Variants in NUP210 observed in about 807,000 individuals in gnomAD.
The protein encoded by NUP210 is nuclear pore membrane glycoprotein 210.
Under a neutral mutation model 196.0 loss-of-function variants are expected in NUP210, and 151 were observed. That is an observed-to-expected ratio of 0.77 (90% CI 0.67 to 0.88). The LOEUF (loss-of-function observed/expected upper bound fraction) is 0.88, where lower values mean the gene tolerates loss of function less well. NUP210 is among the 40% of genes least tolerant of loss of function. NUP210 has a pLI of 0.00. For synonymous variants in NUP210, 1,070 were observed against 1,052.7 expected, an observed-to-expected ratio of 1.02 and a Z score of -0.32; for missense variants, 2,314 against 2,493.7, an observed-to-expected ratio of 0.93 and a Z score of 1.53.
At chr3:13,368,213 C>T (rs1246722879) in intron 13 of NUP210, among the ~76,000 whole-genome samples, 1 of 152,056 alleles carries the variant, frequency 6.6e-6, no homozygotes, top group Non-Finnish European at 1.5e-5. Flanking sequence ...TTAGTTGGGA[C>T]TACAGGAGTG....
intron 25 of NUP210, among the ~76,000 whole-genome samples, chr3:13,339,207 G>C (rs1315538639): frequency 6.6e-6 from 1 of 152,172 alleles, no homozygotes; most frequent in Non-Finnish European, 1.5e-5. Flanking sequence ...ACCCCCTCTA[G>C]GGCGGTGCAC....
At chr3:13,354,161 A>T in intron 16 of NUP210, 54 bp from the exon 17 acceptor site, 1 of 1,459,430 alleles carries the variant, frequency 6.9e-7, no homozygotes, top group Non-Finnish European at 9.3e-7. Context: ...GGACCTGGAC[A>T]CTGACCACGC....
chr3:13,368,370 C>G (rs1698612328), intron 13 of NUP210, among the ~76,000 whole-genome samples: 1 of 152,192 alleles, frequency 6.6e-6, no homozygotes, highest in Non-Finnish European at 1.5e-5. Flanking sequence ...GGCCACCGTG[C>G]CCAGCCTAAA....
At position 13,330,034 on chromosome 3, in the gene NUP210, C is replaced by T. The variant is rs1295556563; in HGVS notation, c.4110+426G>A. ...CACGACTTGTATGGCAGGTACTGAG[C>T]ACAACATTCAATGCTCTTAAGAACA... On this transcript the variant is annotated intron_variant, in intron 30 of 39. Transcript: ENST00000254508. Among the ~76,000 whole-genome samples the T allele has an allele frequency of 2.6e-5, 4 of 152,230 alleles. No individual in the cohort carries two copies. The East Asian group carries it at 7.7e-4, about 29-fold the overall frequency.
Position 13,317,365 on chromosome 3 carries a change from C to T in NUP210, c.*316G>A. ...AGTCTTGAGAAGGGAAAGATTTTAGCAAGGCTAGGAAAATAAAAATGCAAC... is the reference window on the plus strand; with the variant it reads ...AGTCTTGAGAAGGGAAAGATTTTAGTAAGGCTAGGAAAATAAAAATGCAAC... On this transcript the variant is annotated 3_prime_UTR_variant, in exon 40 of 40. Coordinates refer to ENST00000254508, the MANE Select transcript of NUP210 (RefSeq NM_024923.4). 2.7e-6 allele frequency: 1 copy of T among 364,406 alleles called. No homozygotes were observed. Among genetic ancestry groups the T allele is most frequent in the Non-Finnish European group, 5.1e-6 (1 of 196,086 alleles). The allele number at this position is 364,406 out of a possible 1,614,324, so 22.6% of individuals were successfully genotyped here. A position where few individuals can be genotyped will look rare whatever the true frequency, so the allele number is the denominator to read the frequency against.
chr3:13,414,748 C>T (rs540802434), intron 1 of NUP210, among the ~76,000 whole-genome samples: 13 of 152,364 alleles, frequency 8.5e-5, no homozygotes, highest in Middle Eastern at 3.4e-3. Flanking sequence ...TTATGCTGAG[C>T]GCCCTCCCCA....
Position 13,372,478 on chromosome 3 carries a change from C to T in NUP210, c.1588-446G>A, listed in dbSNP as rs1383801498. The stretch of plus-strand genomic sequence containing the variant: ...CCCCACCACCCTGGCTTCTGTGTAC[C>T]GATCAGCAGCCAGGTGAGCAGTGTG... On this transcript the variant is annotated intron_variant, in intron 12 of 39. Transcript: ENST00000254508. 2.6e-5 allele frequency among the ~76,000 whole-genome samples: 4 copies of T among 152,244 alleles called. 1 individual carries two copies. The highest frequency in any genetic ancestry group is 6.8e-3 in the Middle Eastern group (2 of 294).
intron 6 of NUP210, among the ~76,000 whole-genome samples, chr3:13,381,118 A>T (rs915779249): frequency 6.6e-6 from 1 of 152,250 alleles, no homozygotes; most frequent in African/African-American, 2.4e-5. Flanking sequence ...ATTCTTGCAG[A>T]TTATGTGTCT....
At chr3:13,363,374 A>T (rs141839037) in intron 14 of NUP210, among the ~76,000 whole-genome samples, 4 of 152,374 alleles carry the variant, frequency 2.6e-5, no homozygotes, top group African/African-American at 7.2e-5. Flanking sequence ...GCCACTGTGT[A>T]TCTTGCCAAA....
At chr3:13,377,408 C>T (rs753574199) in intron 9 of NUP210, 48 bp downstream of exon 9, 1 of 1,397,230 alleles carries the variant, frequency 7.2e-7, no homozygotes, top group South Asian at 1.2e-5. Context: ...CCGCGTCAGA[C>T]AACGACCCCA....
intron 13 of NUP210, 35 bp downstream of exon 13, chr3:13,371,799 C>T (rs1285471001): frequency 6.4e-7 from 1 of 1,561,672 alleles, no homozygotes; most frequent in South Asian, 1.2e-5. Flanking sequence ...GCCCCAATCC[C>T]AGTATCTGGC....
intron 1 of NUP210, among the ~76,000 whole-genome samples, chr3:13,406,267 A>G (rs916552170): frequency 6.6e-6 from 1 of 152,030 alleles, no homozygotes; most frequent in Admixed American, 6.6e-5. Context: ...CCATTCTCCA[A>G]TTTCTGGGAG....
chr3:13,412,055 C>T (rs945026797), intron 1 of NUP210, among the ~76,000 whole-genome samples: 10 of 149,010 alleles, frequency 6.7e-5, no homozygotes, highest in African/African-American at 2.0e-4. Context: ...CCACTGCACC[C>T]GGCCTAGTTT....
chr3:13,344,922 T>A (rs11915033), intron 20 of NUP210: 1 of 985,176 alleles, frequency 1.0e-6, no homozygotes, highest in African/African-American at 1.7e-5. Flanking sequence ...ACAGTCTTCC[T>A]GCATCCACGT....
In NUP210 at chr3:13,330,603, G is replaced by A. The variant is rs762245881; in HGVS notation, c.3967C>T (p.Leu1323=). 40 of 1,614,080 alleles carry A rather than the reference G, an allele frequency of 2.5e-5. No homozygotes were observed. Among genetic ancestry groups the A allele is most frequent in the Non-Finnish European group, 3.3e-5 (39 of 1,180,038 alleles). Residue 1323 remains leucine, a synonymous_variant, in exon 30 of 40, where the codon CTG becomes TTG. Transcript: ENST00000254508. ...DGAASLSYRV[L]DGPEKVPVVH... is the part of the protein sequence containing the mutation. Reference sequence around the variant, plus strand: ...ACTGGAACCTTTTCGGGTCCATCCAGGACGCGGTAGCTCAGAGAGGCTGCA... The same window carrying A: ...ACTGGAACCTTTTCGGGTCCATCCAAGACGCGGTAGCTCAGAGAGGCTGCA...
Position 13,335,456 on chromosome 3 carries a change from G to A in NUP210, c.3841C>T (p.Gln1281Ter). The change falls in exon 28 of 40, where the codon CAG becomes TAG. Residue 1281 changes from glutamine to a stop codon, truncating the protein, a stop_gained and splice_region_variant. Coordinates refer to ENST00000254508, the MANE Select transcript of NUP210 (RefSeq NM_024923.4). LOFTEE classifies it high-confidence loss of function. Reference protein sequence around the residue: ...ARELSDEIQVQVFEKLQLLNP... With the variant: ...ARELSDEIQV Reference sequence around the variant, plus strand: ...TGGCCTTTCCACCTGCCTCCTACCTGGACTTGGATCTCATCCGAGAGTTCT... The same window carrying A: ...TGGCCTTTCCACCTGCCTCCTACCTAGACTTGGATCTCATCCGAGAGTTCT... The A allele has an allele frequency of 2.5e-6, 4 of 1,612,030 alleles. No homozygotes were observed. The highest frequency in any genetic ancestry group is 2.5e-6 in the Non-Finnish European group (3 of 1,178,354).
At chr3:13,395,474 C>A (rs55809373) in intron 3 of NUP210, among the ~76,000 whole-genome samples, 1 of 152,050 alleles carries the variant, frequency 6.6e-6, no homozygotes, top group Admixed American at 6.5e-5. Context: ...TGCGCCACCA[C>A]GCCTGGCTTA....
Position 13,323,171 on chromosome 3 carries a change from G to A in NUP210, c.4768+138C>T, listed in dbSNP as rs956633974. On this transcript the variant is annotated intron_variant, in intron 34 of 39. Coordinates refer to ENST00000254508, the MANE Select transcript of NUP210 (RefSeq NM_024923.4). The surrounding 1 kb of genome is among the most constrained non-coding windows in gnomAD (Gnocchi z 4.3). ...TTCAGAAACGCTGGAAGGAGTGGATGAGTGGGGGCTAAATGCCCTCTCTGG... is the reference window on the plus strand; with the variant it reads ...TTCAGAAACGCTGGAAGGAGTGGATAAGTGGGGGCTAAATGCCCTCTCTGG... 6.1e-5 allele frequency: 63 copies of A among 1,036,216 alleles called. No individual in the cohort carries two copies. The Middle Eastern group carries it at 1.4e-3, about 22-fold the overall frequency. The allele number at this position is 1,036,216 out of a possible 1,614,324, so 64.2% of individuals were successfully genotyped here. A position where few individuals can be genotyped will look rare whatever the true frequency, so the allele number is the denominator to read the frequency against.
At position 13,340,795 on chromosome 3, in the gene NUP210, G is replaced by C. The variant is rs1697450407; in HGVS notation, c.3229-497C>G. On this transcript the variant is annotated intron_variant, in intron 23 of 39. Coordinates refer to ENST00000254508, the MANE Select transcript of NUP210 (RefSeq NM_024923.4). This position sits in a 1 kb window ranked among gnomAD's most constrained non-coding sequence, Gnocchi z 4.0. ...CTCTTCTAGCACACCCTCCGGATTA[G>C]CCTGGGAGGAGACCAGGGACGTTGG... is the stretch of plus-strand genomic sequence containing the variant. 6.6e-6 allele frequency among the ~76,000 whole-genome samples: 1 copy of C among 152,102 alleles called. No homozygotes were observed. Among genetic ancestry groups the C allele is most frequent in the South Asian group, 2.1e-4 (1 of 4,818 alleles).
Sources: allele counts gnomAD v4.1 joint callset (sites outside exome capture counted in the v4.1 genomes callset), GRCh38; gene constraint gnomAD v4.1.1; non-coding constraint Gnocchi (gnomAD v3.1); transcripts MANE v1.5; gene names NCBI Gene and HGNC (gene_info 2026-07-23, HGNC 2026-07-21).